The following SLCO4A1 variants were observed in gnomAD, a reference collection of about 807,000 sequenced individuals.
The protein encoded by SLCO4A1 is colon organic anion transporter.
SLCO4A1 carries 51 observed loss-of-function variants against 64.6 expected under a neutral mutation model. The ratio of observed to expected loss-of-function variants is 0.79; its 90% CI spans 0.63 to 1.00. SLCO4A1 has a LOEUF of 1.00. SLCO4A1 is among the 50% of genes least tolerant of loss of function. SLCO4A1 has a pLI of 0.00. For synonymous variants in SLCO4A1, 471 were observed against 444.9 expected, an observed-to-expected ratio of 1.06 and a Z score of -0.74; for missense variants, 919 against 980.5, an observed-to-expected ratio of 0.94 and a Z score of 0.84.
downstream of SLCO4A1, among the ~76,000 whole-genome samples, chr20:62,673,333 C>G (rs762540031): frequency 7.0e-6 from 1 of 142,880 alleles, no homozygotes; most frequent in African/African-American, 2.5e-5. Flanking sequence ...GTGGGGAGGA[C>G]GAGGAACCTC....
downstream of SLCO4A1, among the ~76,000 whole-genome samples, chr20:62,688,121 C>A (rs1988125262): frequency 6.6e-6 from 1 of 151,900 alleles, no homozygotes; most frequent in Non-Finnish European, 1.5e-5. Context: ...AAGAGACCTA[C>A]ACACACACAC....
At chr20:62,665,375 C>T (rs1388150927) in intron 6 of SLCO4A1, 3 of 382,228 alleles carry the variant, frequency 7.8e-6, no homozygotes, top group Non-Finnish European at 1.4e-5. Flanking sequence ...TGACTTGGTG[C>T]AGGAAGGGTT....
At chr20:62,679,719 C>A (rs1323201908) in intron 2 of SLCO4A1, among the ~76,000 whole-genome samples, 3 of 152,098 alleles carry the variant, frequency 2.0e-5, no homozygotes, top group Admixed American at 6.6e-5. Flanking sequence ...AAAATAAAAT[C>A]AAAAACACTG....
chr20:62,690,506 T>A (rs75022541), downstream of SLCO4A1, among the ~76,000 whole-genome samples: 1,080 of 152,358 alleles, frequency 7.1e-3, 13 homozygotes, highest in African/African-American at 0.024. Context: ...CTGGCTGTGC[T>A]ATTACTCACT....
rs1445303723 is a variant in SLCO4A1 at position 62,685,290 on chromosome 20, C to A, written n.212-151C>A. ...AGTGGGGGCTGGGTCGGGGCTGGGC[C>A]CTGGCTGCCCTGGCTGCCCCCCGAC... On this transcript the variant is annotated intron_variant and non_coding_transcript_variant, in intron 2 of 2. Transcript: ENST00000466818. This position sits in a 1 kb window ranked among gnomAD's most constrained non-coding sequence, Gnocchi z 4.6. Among the ~76,000 whole-genome samples, 1 of 151,698 alleles carries A rather than the reference C, an allele frequency of 6.6e-6. No homozygotes were observed. The highest frequency in any genetic ancestry group is 2.4e-5 in the African/African-American group (1 of 41,276).
chr20:62,669,090 C>T lies in SLCO4A1; in HGVS notation c.2025+12C>T. On this transcript the variant is annotated intron_variant, in intron 11 of 11. Transcript: ENST00000217159. ...GGCTCCTGTACAAGGTAAGCAGGCC[C>T]AGGGAGGGGACAGAGGGTCTGCTCT... is the stretch of plus-strand genomic sequence containing the variant. 4 of 1,607,244 alleles carry T rather than the reference C, an allele frequency of 2.5e-6. No homozygotes were observed. The highest frequency in any genetic ancestry group is 1.1e-5 in the South Asian group (1 of 91,042).
downstream of SLCO4A1, among the ~76,000 whole-genome samples, chr20:62,688,496 A>G (rs945664234): frequency 9.2e-5 from 14 of 152,248 alleles, no homozygotes; most frequent in Admixed American, 5.2e-4. Flanking sequence ...AGCAAACACA[A>G]TTCTGCCTAT....
At chr20:62,660,703 G>A (rs1239714269) in intron 4 of SLCO4A1, among the ~76,000 whole-genome samples, 170 bp downstream of exon 4, 2 of 152,224 alleles carry the variant, frequency 1.3e-5, no homozygotes, top group African/African-American at 4.8e-5. Flanking sequence ...CCTCCTGGCT[G>A]TGGCACAAGG....
chr20:62,664,169 G>A (rs1297740349), intron 5 of SLCO4A1, among the ~76,000 whole-genome samples: 1 of 152,054 alleles, frequency 6.6e-6, no homozygotes, highest in Non-Finnish European at 1.5e-5. Flanking sequence ...CTGAGGCTGA[G>A]CCCTCAGGGC....
chr20:62,656,430 G>T lies in SLCO4A1; in HGVS notation c.-25G>T. 6.9e-7 allele frequency: 1 copy of T among 1,453,788 alleles called. No homozygotes were observed. The highest frequency in any genetic ancestry group is 9.1e-7 in the Non-Finnish European group (1 of 1,103,146). The allele number at this position is 1,453,788 out of a possible 1,614,324, so 90.1% of individuals were successfully genotyped here. A position where few individuals can be genotyped will look rare whatever the true frequency, so the allele number is the denominator to read the frequency against. ...ACTCCCACTGCGTGGCTGAAGCCTC[G>T]AGGTCACCAGGCGGAGGCGCGGAGA... On this transcript the variant is annotated 5_prime_UTR_variant, in exon 2 of 12. Transcript: ENST00000217159.
chr20:62,664,960 C>T lies in SLCO4A1; in HGVS notation c.1148C>T (p.Pro383Leu). ...PLSIWLLLKN[P>L]TFILLCLAGA... ...TCCATCTGGCTCCTGCTGAAGAACC[C>T]CACGTTCATCCTGCTCTGCCTGGCC... Residue 383 changes from proline (P) to leucine (L), a missense_variant, in exon 6 of 12, where the codon CCC becomes CTC. Transcript: ENST00000217159. 1 of 1,612,362 alleles carries T rather than the reference C, an allele frequency of 6.2e-7. No individual in the cohort carries two copies. Among genetic ancestry groups the T allele is most frequent in the Non-Finnish European group, 8.5e-7 (1 of 1,179,116 alleles).
downstream of SLCO4A1, among the ~76,000 whole-genome samples, chr20:62,677,184 A>G (rs376185196): frequency 3.8e-4 from 58 of 152,372 alleles, no homozygotes; most frequent in South Asian, 0.012. Flanking sequence ...GTTTTGGTGC[A>G]GTGATGAAAT....
At position 62,685,091 on chromosome 20, in the gene SLCO4A1, G is replaced by A. The variant is rs1039618400; in HGVS notation, n.212-350G>A. On this transcript the variant is annotated intron_variant and non_coding_transcript_variant, in intron 2 of 2. Coordinates refer to the SLCO4A1 transcript ENST00000466818. This position sits in a 1 kb window ranked among gnomAD's most constrained non-coding sequence, Gnocchi z 4.6. ...GCCACAGTGCATGGAGTGCATGGAG[G>A]TTGGGGCACGTGTGACCAGCCAGGG... Among the ~76,000 whole-genome samples the A allele has an allele frequency of 2.3e-4, 35 of 152,222 alleles. No homozygotes were observed. The highest frequency in any genetic ancestry group is 8.4e-4 in the African/African-American group (35 of 41,508).
intron 6 of SLCO4A1, chr20:62,665,325 CG>C: frequency 2.0e-6 from 1 of 498,966 alleles, no homozygotes; most frequent in Non-Finnish European, 3.5e-6. Context: ...GAAGGGTCCA[CG>C]GTGGGCTCCA....
At chr20:62,672,948 G>A (rs1323537900), downstream of SLCO4A1, among the ~76,000 whole-genome samples, 6 of 103,006 alleles carry the variant, frequency 5.8e-5, 2 homozygotes, top group Non-Finnish European at 1.5e-4. Context: ...CGCCACCCTC[G>A]CCCTCCGGTG....
chr20:62,653,297 GC>G (rs1364883228), intron 1 of SLCO4A1, among the ~76,000 whole-genome samples: 1 of 152,190 alleles, frequency 6.6e-6, no homozygotes, highest in Non-Finnish European at 1.5e-5. Flanking sequence ...GATCCCTGTG[GC>G]CTTGGGGAAG....
At chr20:62,686,425 T>C (rs151206550), downstream of SLCO4A1, among the ~76,000 whole-genome samples, 6 of 152,054 alleles carry the variant, frequency 3.9e-5, no homozygotes, top group African/African-American at 1.4e-4. Flanking sequence ...TCAGGATGAA[T>C]GCAACTCCGC....
intron 1 of SLCO4A1, chr20:62,643,352 G>A: frequency 1.5e-5 from 3 of 194,858 alleles, no homozygotes; most frequent in Non-Finnish European, 3.3e-5. Flanking sequence ...CCGGGAACCT[G>A]GAAGCAGATC....
downstream of SLCO4A1, among the ~76,000 whole-genome samples, chr20:62,686,141 G>A (rs1204081952): frequency 6.6e-6 from 1 of 152,172 alleles, no homozygotes; most frequent in East Asian, 1.9e-4. Context: ...GAGTGCAGCC[G>A]CCCATGGAGA....
Sources: allele counts gnomAD v4.1 joint callset (sites outside exome capture counted in the v4.1 genomes callset), GRCh38; gene constraint gnomAD v4.1.1; non-coding constraint Gnocchi (gnomAD v3.1); transcripts MANE v1.5; gene names NCBI Gene and HGNC (gene_info 2026-07-23, HGNC 2026-07-21).